The following CPVL variants were observed in gnomAD, a reference collection of about 807,000 sequenced individuals.
CPVL encodes the protein carboxypeptidase vitellogenic like, also known as probable serine carboxypeptidase CPVL.
A neutral mutation model predicts 63.7 loss-of-function variants in CPVL; 51 were observed. The ratio of observed to expected loss-of-function variants is 0.80; its 90% CI spans 0.64 to 1.01. The LOEUF is 1.01. Among genes scored for constraint, CPVL ranks in the 50% least tolerant of loss-of-function variants. CPVL has a pLI of 0.00. For synonymous variants in CPVL, 195 were observed against 206.0 expected, an observed-to-expected ratio of 0.95 and a Z score of 0.46; for missense variants, 530 against 573.1, an observed-to-expected ratio of 0.92 and a Z score of 0.77.
chr7:29,189,830 C>T (rs1026985136), intron 1 of CPVL, among the ~76,000 whole-genome samples: 1 of 152,128 alleles, frequency 6.6e-6, no homozygotes, highest in African/African-American at 2.4e-5. Flanking sequence ...TACCCCCAAG[C>T]CCCCCTGCAG....
chr7:29,154,154 G>A (rs936799686), intron 5 of CPVL, among the ~76,000 whole-genome samples: 3 of 152,120 alleles, frequency 2.0e-5, no homozygotes, highest in Non-Finnish European at 2.9e-5. Flanking sequence ...CATTTATTCT[G>A]ACAGTTGCCC....
intron 3 of CPVL, among the ~76,000 whole-genome samples, chr7:29,103,523 G>A (rs1430562434): frequency 1.8e-4 from 28 of 151,720 alleles, no homozygotes; most frequent in Admixed American, 1.8e-3. Flanking sequence ...AAAGTGCTGG[G>A]ATTACAGGCA....
intron 3 of CPVL, among the ~76,000 whole-genome samples, chr7:29,096,769 G>A (rs2539975): frequency 0.58 from 88,437 of 151,768 alleles, 28,327 homozygotes; most frequent in African/African-American, 0.86. Context: ...AGATCACCTG[G>A]GGTCAGGAGT....
chr7:29,149,528 T>C (rs1190409582), upstream of CPVL, among the ~76,000 whole-genome samples: 3 of 152,006 alleles, frequency 2.0e-5, no homozygotes, highest in Non-Finnish European at 4.4e-5. Flanking sequence ...GAGAATAAAA[T>C]AGAACAAAAT....
rs1050168778 is a variant in CPVL, at chr7:29,112,137, G to A, written c.288+567C>T. 5.9e-5 allele frequency among the ~76,000 whole-genome samples: 9 copies of A among 152,130 alleles called. No individual in the cohort carries two copies. In the South Asian group the frequency reaches 6.2e-4, roughly 11 times the overall value. ...TTCCTGCCAGAAGCCTTCCTAGATC[G>A]GCAATCCTCCCAATCTTCTAAAGAT... On this transcript the variant is annotated intron_variant, in intron 3 of 12. Transcript: ENST00000265394.
intron 7 of CPVL, among the ~76,000 whole-genome samples, chr7:29,083,928 T>TC (rs767228887): frequency 1.3e-5 from 2 of 152,094 alleles, no homozygotes; most frequent in Non-Finnish European, 2.9e-5. Context: ...TCTAATTTTT[T>TC]CCTTTTTTTT....
intron 5 of CPVL, among the ~76,000 whole-genome samples, chr7:29,164,648 G>T (rs1223622500): frequency 6.6e-6 from 1 of 151,780 alleles, no homozygotes; most frequent in East Asian, 1.9e-4. Context: ...ACGCGTGGTG[G>T]CATATGCCTG....
rs1396541764 is a variant in CPVL, at chr7:29,178,562, T to C, written c.-11+2728A>G. 3.9e-5 allele frequency among the ~76,000 whole-genome samples: 6 copies of C among 152,324 alleles called. No homozygotes were observed. The East Asian group carries it at 1.2e-3, about 29-fold the overall frequency. On this transcript the variant is annotated intron_variant, in intron 5 of 16. Coordinates refer to the CPVL transcript ENST00000409850. ...AGAGACGTTGCCTGACATGCTGTTT[T>C]ATGTTCATCTGAACACATTTTTCAG... is the stretch of plus-strand genomic sequence containing the variant.
intron 6 of CPVL, among the ~76,000 whole-genome samples, chr7:29,089,942 A>T (rs1352662448): frequency 1.3e-5 from 2 of 150,226 alleles, no homozygotes; most frequent in African/African-American, 2.5e-5. Flanking sequence ...GGCTCACCAC[A>T]ACCTCTGCCT....
At chr7:29,053,076 T>C (rs1028487386) in intron 11 of CPVL, among the ~76,000 whole-genome samples, 15 of 152,174 alleles carry the variant, frequency 9.9e-5, no homozygotes, top group Non-Finnish European at 1.6e-4. Context: ...CGTTCATCAT[T>C]AGGGAAATGC....
chr7:29,070,315 T>C (rs1204451558), intron 9 of CPVL, among the ~76,000 whole-genome samples: 3 of 152,244 alleles, frequency 2.0e-5, no homozygotes, highest in African/African-American at 7.2e-5. Context: ...CTGCATTATG[T>C]ACCAGTCATC....
At chr7:29,186,891 A>G (rs2128749658) in intron 1 of CPVL, among the ~76,000 whole-genome samples, 1 of 152,282 alleles carries the variant, frequency 6.6e-6, no homozygotes, top group South Asian at 2.1e-4. Flanking sequence ...AACCAAAAAG[A>G]GCAGGGATGA....
At chr7:29,174,262 T>C (rs529406149) in intron 5 of CPVL, among the ~76,000 whole-genome samples, 11 of 152,340 alleles carry the variant, frequency 7.2e-5, no homozygotes, top group Non-Finnish European at 2.9e-5. Flanking sequence ...AGCAAAGCCC[T>C]CTGCCTCTGG....
chr7:29,090,388 A>T (rs1464736138), intron 6 of CPVL, among the ~76,000 whole-genome samples: 2 of 152,204 alleles, frequency 1.3e-5, no homozygotes, highest in Non-Finnish European at 2.9e-5. Flanking sequence ...TTTCTCATTT[A>T]ATATAGGAAG....
intron 11 of CPVL, among the ~76,000 whole-genome samples, chr7:29,042,698 T>C (rs186962974): frequency 7.9e-5 from 12 of 152,034 alleles, no homozygotes; most frequent in Admixed American, 7.2e-4. Flanking sequence ...AGGGAAAAAA[T>C]AAAACAGGAA....
At chr7:29,024,028 C>A (rs1006890630) in intron 12 of CPVL, among the ~76,000 whole-genome samples, 1 of 151,992 alleles carries the variant, frequency 6.6e-6, no homozygotes, top group African/African-American at 2.4e-5. Flanking sequence ...GTAAAGATTT[C>A]ATAATAGTGT....
intron 5 of CPVL, among the ~76,000 whole-genome samples, chr7:29,159,899 A>C (rs959430832): frequency 2.0e-5 from 3 of 152,208 alleles, no homozygotes; most frequent in African/African-American, 7.2e-5. Flanking sequence ...ATAATGCTTA[A>C]GTATTTGTGG....
chr7:29,095,748 G>A (rs1786341356), intron 4 of CPVL, among the ~76,000 whole-genome samples: 2 of 152,112 alleles, frequency 1.3e-5, no homozygotes, highest in Admixed American at 1.3e-4. Flanking sequence ...AAAGTGTTTA[G>A]TTCATGTGAG....
At chr7:29,063,719 C>T (rs950765255) in intron 11 of CPVL, among the ~76,000 whole-genome samples, 5 of 151,936 alleles carry the variant, frequency 3.3e-5, no homozygotes, top group South Asian at 2.1e-4. Flanking sequence ...TACAGGCACC[C>T]GCCACCATGT....
Sources: allele counts gnomAD v4.1 joint callset (sites outside exome capture counted in the v4.1 genomes callset), GRCh38; gene constraint gnomAD v4.1.1; transcripts MANE v1.5; gene names NCBI Gene and HGNC (gene_info 2026-07-23, HGNC 2026-07-21).